NRXN1: variants seen among roughly 807,000 people sequenced by gnomAD.
The protein encoded by NRXN1 is neurexin 1, also known as neurexin-1.
A neutral mutation model predicts 150.9 loss-of-function variants in NRXN1; 39 were observed. That is an observed-to-expected ratio of 0.26 (90% CI 0.20 to 0.34). The LOEUF (loss-of-function observed/expected upper bound fraction) is 0.34. NRXN1 is among the 10% of genes least tolerant of loss of function. NRXN1 has a pLI of 1.00. For synonymous variants in NRXN1, 924 were observed against 757.0 expected (o/e 1.22, Z -3.62); for missense variants, 1,815 against 1,949.9 (o/e 0.93, Z 1.30).
chr2:50,865,658 G>GTGTTTTT, intron 5 of NRXN1, among the ~76,000 whole-genome samples: 1 of 41,832 alleles, frequency 2.4e-5, no homozygotes, highest in Non-Finnish European at 3.9e-5. Context: ...GCATTTGAAA[G>GTGTTTTT]TTTTTTTTTT....
chr2:50,344,377 G>A (rs1008570824), intron 17 of NRXN1, among the ~76,000 whole-genome samples: 16 of 151,900 alleles, frequency 1.1e-4, no homozygotes, highest in African/African-American at 1.9e-4. Context: ...GTAAGTTTGC[G>A]CCTCTGATTG....
intron 2 of NRXN1, among the ~76,000 whole-genome samples, chr2:50,969,354 G>C (rs1189715946): frequency 6.6e-6 from 1 of 151,960 alleles, no homozygotes; most frequent in Non-Finnish European, 1.5e-5. Flanking sequence ...AAAAAATATT[G>C]CTTAATTTTC....
At chr2:50,817,870 T>C (rs918426257) in intron 5 of NRXN1, among the ~76,000 whole-genome samples, 1 of 151,882 alleles carries the variant, frequency 6.6e-6, no homozygotes, top group Non-Finnish European at 1.5e-5. Flanking sequence ...AAAGGCCATA[T>C]GTGAAAAACC....
intron 5 of NRXN1, among the ~76,000 whole-genome samples, chr2:50,730,734 G>A (rs1480836263): frequency 2.1e-5 from 3 of 144,806 alleles, no homozygotes; most frequent in African/African-American, 2.6e-5. Flanking sequence ...GTGCAGTGGC[G>A]CGATCTGGGC....
chr2:50,293,670 G>A lies in NRXN1; in HGVS notation c.3365-56700C>T, dbSNP rs116583880. ...AAGGAAGGAGACATAGGAAATGAGC[G>A]GTCTGTAGAAATACACACTGCTATT... On this transcript the variant is annotated intron_variant, in intron 17 of 22. Transcript: ENST00000401669. Among the ~76,000 whole-genome samples the A allele has an allele frequency of 5.6e-3, 848 of 152,236 alleles. 8 individuals carry two copies. The highest frequency in any genetic ancestry group is 0.019 in the African/African-American group (789 of 41,552).
intron 17 of NRXN1, among the ~76,000 whole-genome samples, chr2:50,340,726 G>A (rs1364538324): frequency 6.6e-6 from 1 of 151,984 alleles, no homozygotes; most frequent in South Asian, 2.1e-4. Flanking sequence ...AAAAAAGAGA[G>A]AGAGAAACAG....
intron 10 of NRXN1, among the ~76,000 whole-genome samples, chr2:50,537,337 T>G (rs2093284798): frequency 6.6e-6 from 1 of 152,180 alleles, no homozygotes. Context: ...GATTTTTAGT[T>G]CCATTGTTGA....
chr2:50,017,681 T>A (rs1686887950), intron 21 of NRXN1, among the ~76,000 whole-genome samples: 2 of 151,038 alleles, frequency 1.3e-5, no homozygotes, highest in Admixed American at 1.3e-4. Flanking sequence ...TTTTTTTGGA[T>A]TTACATTACG....
chr2:50,789,040 A>C (rs1330110145), intron 5 of NRXN1, among the ~76,000 whole-genome samples: 1 of 152,194 alleles, frequency 6.6e-6, no homozygotes, highest in Non-Finnish European at 1.5e-5. Flanking sequence ...AGGGATGGCT[A>C]ATGTAAGGCC....
chr2:50,478,899 G>T (rs888621519), intron 15 of NRXN1, among the ~76,000 whole-genome samples: 2 of 152,058 alleles, frequency 1.3e-5, no homozygotes, highest in Admixed American at 1.3e-4. Flanking sequence ...TCTGACATTT[G>T]TTGTTTCGTT....
intron 2 of NRXN1, among the ~76,000 whole-genome samples, chr2:50,953,042 C>A (rs112272740): frequency 1.1e-4 from 16 of 152,190 alleles, no homozygotes; most frequent in African/African-American, 3.9e-4. Flanking sequence ...AACACTGTCA[C>A]CCTGGCAAGA....
chr2:50,124,809 C>G (rs1318540172), intron 18 of NRXN1, among the ~76,000 whole-genome samples: 1 of 152,016 alleles, frequency 6.6e-6, no homozygotes, highest in South Asian at 2.1e-4. Flanking sequence ...TAAAATATAT[C>G]TTTTCTTCTC....
chr2:50,480,273 A>G (rs183522326), intron 15 of NRXN1, among the ~76,000 whole-genome samples: 4 of 152,342 alleles, frequency 2.6e-5, no homozygotes, highest in African/African-American at 9.6e-5. Context: ...TTGGAGTATC[A>G]GTGTGCGTAG....
chr2:50,562,902 G>A, intron 8 of NRXN1, among the ~76,000 whole-genome samples: 1 of 151,768 alleles, frequency 6.6e-6, no homozygotes, highest in East Asian at 1.9e-4. Context: ...ATGTGTGTTA[G>A]GCTCCTTCCA....
At position 50,568,434 on chromosome 2, in the gene NRXN1, C is replaced by G. The variant is rs144983299; in HGVS notation, c.1321-15409G>C. On this transcript the variant is annotated intron_variant, in intron 8 of 22. Coordinates refer to ENST00000401669, the MANE Select transcript of NRXN1 (RefSeq NM_001330078.2). ...ATACCAGAACATGCAGAAGTCCAAA[C>G]AACTAAATAGGAAAAAGTCTAATAA... is the stretch of plus-strand genomic sequence containing the variant. 4.8e-3 allele frequency among the ~76,000 whole-genome samples: 734 copies of G among 152,122 alleles called. 6 individuals are homozygous for G. Among genetic ancestry groups the G allele is most frequent in the African/African-American group, 0.017 (690 of 41,534 alleles).
chr2:50,686,945 T>C (rs561390952), intron 5 of NRXN1, among the ~76,000 whole-genome samples: 35 of 152,296 alleles, frequency 2.3e-4, no homozygotes, highest in Admixed American at 2.2e-3. Context: ...AAAGTTTATG[T>C]TGGGAGGAAG....
intron 17 of NRXN1, among the ~76,000 whole-genome samples, chr2:50,260,492 C>A (rs951591866): frequency 2.0e-5 from 3 of 151,566 alleles, no homozygotes; most frequent in African/African-American, 7.3e-5. Flanking sequence ...CCCTGTTGTT[C>A]TATTGGAATA....
At chr2:50,270,751 C>T (rs559850043) in intron 17 of NRXN1, among the ~76,000 whole-genome samples, 1 of 151,166 alleles carries the variant, frequency 6.6e-6, no homozygotes, top group African/African-American at 2.4e-5. Context: ...CTCACTGCAA[C>T]CTCCACCTCC....
intron 5 of NRXN1, among the ~76,000 whole-genome samples, chr2:50,628,714 T>C (rs746132844): frequency 1.3e-5 from 2 of 151,736 alleles, no homozygotes; most frequent in East Asian, 3.9e-4. Flanking sequence ...ATTTCTACTA[T>C]GTGCTAAAAC....
Sources: allele counts gnomAD v4.1 joint callset (sites outside exome capture counted in the v4.1 genomes callset), GRCh38; gene constraint gnomAD v4.1.1; transcripts MANE v1.5; gene names NCBI Gene and HGNC (gene_info 2026-07-23, HGNC 2026-07-21).